Variants in CEP63 observed in about 807,000 individuals in gnomAD.
CEP63 encodes the protein centrosomal protein 63, also known as centrosomal protein of 63 kDa.
Under a neutral mutation model 89.1 loss-of-function variants are expected in CEP63, and 84 were observed. The observed-to-expected ratio is 0.94, with a 90% CI of 0.79 to 1.13. The LOEUF is 1.13. Among genes scored for constraint, CEP63 ranks in the 50% most tolerant of loss-of-function variants. CEP63 has a pLI of 0.00. For missense variants in CEP63, 838 were observed against 813.3 expected, an observed-to-expected ratio of 1.03 and a Z score of -0.37; for synonymous variants, 267 against 272.5, an observed-to-expected ratio of 0.98 and a Z score of 0.20.
At chr3:134,707,267 T>C in the CEP63 span, among the ~76,000 whole-genome samples, 1 of 152,114 alleles carries the variant, frequency 6.6e-6, no homozygotes, top group Non-Finnish European at 1.5e-5. Context: ...GCATGTTAAG[T>C]GCAATGGTTG....
At chr3:134,523,388 T>G (rs985183522) in intron 3 of CEP63, among the ~76,000 whole-genome samples, 1 of 152,146 alleles carries the variant, frequency 6.6e-6, no homozygotes, top group African/African-American at 2.4e-5. Context: ...GTAAAGAAAC[T>G]CTTTAATTAG....
the CEP63 span, among the ~76,000 whole-genome samples, chr3:134,673,473 C>G: frequency 6.6e-6 from 1 of 152,136 alleles, no homozygotes; most frequent in Non-Finnish European, 1.5e-5. Context: ...CACTACCTCC[C>G]AGGATTCTCT....
the CEP63 span, among the ~76,000 whole-genome samples, chr3:134,694,139 C>T: frequency 8.2e-3 from 1,251 of 152,314 alleles, 9 homozygotes; most frequent in Non-Finnish European, 0.014. Context: ...ATGTGAAGGG[C>T]AGGGGGCTCT....
chr3:134,605,092 A>G, the CEP63 span, among the ~76,000 whole-genome samples: 1 of 152,014 alleles, frequency 6.6e-6, no homozygotes, highest in Non-Finnish European at 1.5e-5. Context: ...GTGTGTGCAC[A>G]GGAGGGTCTT....
chr3:134,590,858 C>A (rs1472864406), downstream of CEP63, among the ~76,000 whole-genome samples: 1 of 152,140 alleles, frequency 6.6e-6, no homozygotes, highest in Admixed American at 6.5e-5. Flanking sequence ...TTTATTTTTT[C>A]CTATGACATA....
chr3:134,576,284 C>A (rs374283159), downstream of CEP63, among the ~76,000 whole-genome samples: 59 of 152,338 alleles, frequency 3.9e-4, 3 homozygotes, highest in South Asian at 0.012. Context: ...ATGGGCTACT[C>A]AGAATGACAG....
At chr3:134,734,150 C>T in the CEP63 span, among the ~76,000 whole-genome samples, 4 of 152,242 alleles carry the variant, frequency 2.6e-5, no homozygotes, top group East Asian at 3.9e-4. Context: ...AAAATAAAAA[C>T]GTGTTTACAT....
the CEP63 span, among the ~76,000 whole-genome samples, chr3:134,749,376 G>A: frequency 2.0e-5 from 3 of 152,280 alleles, no homozygotes; most frequent in African/African-American, 7.2e-5. Flanking sequence ...GGGGTGGACT[G>A]GGGAGGGACC....
chr3:134,651,761 G>T, the CEP63 span: 1 of 326,566 alleles, frequency 3.1e-6, no homozygotes, highest in Non-Finnish European at 4.4e-6. Context: ...AGGAGGGAGG[G>T]GGAGAGGAGG....
chr3:134,647,287 C>T, the CEP63 span: 2 of 648,148 alleles, frequency 3.1e-6, no homozygotes, highest in Non-Finnish European at 5.4e-6. Flanking sequence ...TCACAGTGGC[C>T]CTTAGAGGCC....
intron 10 of CEP63, among the ~76,000 whole-genome samples, chr3:134,549,841 C>T (rs1257323255): frequency 1.3e-5 from 2 of 152,176 alleles, no homozygotes; most frequent in South Asian, 4.1e-4. Flanking sequence ...AATAACCCAT[C>T]TCTCCCTGTT....
chr3:134,603,307 A>C, the CEP63 span: 2 of 339,932 alleles, frequency 5.9e-6, no homozygotes, highest in South Asian at 1.0e-4. Context: ...ATCTGGATGC[A>C]GGTGTACAGT....
chr3:134,493,892 C>G (rs1447438881), intron 1 of CEP63, among the ~76,000 whole-genome samples: 1 of 152,146 alleles, frequency 6.6e-6, no homozygotes, highest in Admixed American at 6.5e-5. Flanking sequence ...GGCAGAACCT[C>G]TACACCACAG....
chr3:134,626,924 C>T, the CEP63 span, among the ~76,000 whole-genome samples: 1 of 152,340 alleles, frequency 6.6e-6, no homozygotes, highest in South Asian at 2.1e-4. Context: ...CTATCATTCT[C>T]TCACAAGAGC....
the CEP63 span, among the ~76,000 whole-genome samples, chr3:134,734,211 C>G: frequency 1.3e-5 from 2 of 152,112 alleles, no homozygotes; most frequent in African/African-American, 4.8e-5. Flanking sequence ...TAGCTGAAAC[C>G]TGGAAACAGC....
At chr3:134,707,214 A>G in the CEP63 span, among the ~76,000 whole-genome samples, 1 of 152,170 alleles carries the variant, frequency 6.6e-6, no homozygotes, top group African/African-American at 2.4e-5. Flanking sequence ...TCTCTTTCCT[A>G]TAGAGGATAA....
chr3:134,752,424 C>T, the CEP63 span, among the ~76,000 whole-genome samples: 3 of 152,068 alleles, frequency 2.0e-5, no homozygotes, highest in African/African-American at 4.8e-5. Flanking sequence ...GAGGGAAGCC[C>T]GAGGAGGATT....
chr3:134,512,399 G>A (rs111385243), intron 3 of CEP63, among the ~76,000 whole-genome samples: 7 of 152,214 alleles, frequency 4.6e-5, no homozygotes, highest in African/African-American at 1.7e-4. Flanking sequence ...TGTGAAATGA[G>A]TAAGAAATTT....
rs1182808443 is a variant in CEP63 at position 134,547,628 on chromosome 3, T to TTTTTTTTTTTTTTTTTTTTTC, written c.1067+157_1067+158insTTTTTTTTTTTTTTTTTTTCT. On this transcript the variant is annotated intron_variant, in intron 9 of 14. Transcript: ENST00000675561. Reference sequence around the variant, plus strand: ...AGTTCTTATTTCTTTTTTTTTTTTTTTGAGACGGAGTCCGCTCTGTCACCC... The same window carrying TTTTTTTTTTTTTTTTTTTTTC: ...AGTTCTTATTTCTTTTTTTTTTTTTTTTTTTTTTTTTTTTTTTTTTCTGAGACGGAGTCCGCTCTGTCACCC... Among the ~76,000 whole-genome samples the TTTTTTTTTTTTTTTTTTTTTC allele has an allele frequency of 1.6e-5, 2 of 122,610 alleles. 1 individual carries two copies. The highest frequency in any genetic ancestry group is 3.5e-5 in the Non-Finnish European group (2 of 57,532). 80.4% of individuals were successfully genotyped at this position (122,610 alleles called of 152,430 possible).
Sources: gnomAD v4.1 joint callset for allele counts (sites outside exome capture counted in the v4.1 genomes callset) on GRCh38, gnomAD v4.1.1 for gene constraint, MANE v1.5 for transcripts, NCBI Gene and HGNC (gene_info 2026-07-23, HGNC 2026-07-21) for gene names.